TMEM255B: variants seen among roughly 807,000 people sequenced by gnomAD.
TMEM255B encodes transmembrane protein 255B.
A neutral mutation model predicts 34.5 loss-of-function variants in TMEM255B; 35 were observed. The ratio of observed to expected loss-of-function variants is 1.01; its 90% CI spans 0.77 to 1.34. The LOEUF is 1.34. TMEM255B is among the 40% of genes most tolerant of loss of function. The probability of loss-of-function intolerance (pLI) is 0.00; values close to 1 mark genes in which losing one functional copy is unlikely to be tolerated. For synonymous variants in TMEM255B, 206 were observed against 201.2 expected, an observed-to-expected ratio of 1.02 and a Z score of -0.20; for missense variants, 432 against 433.2, an observed-to-expected ratio of 1.00 and a Z score of 0.02.
intron 1 of TMEM255B, 42 bp from the exon 2 acceptor site, chr13:113,766,073 G>T (rs774633110): frequency 6.2e-7 from 1 of 1,610,890 alleles, no homozygotes; most frequent in Non-Finnish European, 8.5e-7. Flanking sequence ...GCCCTCCTGA[G>T]CCTGAGCCCT....
At chr13:113,793,796 G>A (rs1248800481) in intron 3 of TMEM255B, among the ~76,000 whole-genome samples, 2 of 152,338 alleles carry the variant, frequency 1.3e-5, no homozygotes, top group Admixed American at 6.5e-5. Flanking sequence ...AGCGTGGTGC[G>A]CCCTGGACCG....
intron 1 of TMEM255B, among the ~76,000 whole-genome samples, chr13:113,762,342 A>C (rs939913287): frequency 6.6e-6 from 1 of 152,180 alleles, no homozygotes; most frequent in Non-Finnish European, 1.5e-5. Flanking sequence ...ATCTGGAGTC[A>C]AAATATCACC....
At chr13:113,790,111 CGGGCACA>C in intron 3 of TMEM255B, among the ~76,000 whole-genome samples, 1 of 145,670 alleles carries the variant, frequency 6.9e-6, no homozygotes, top group Non-Finnish European at 1.5e-5. Flanking sequence ...CTGGACTGAC[CGGGCACA>C]TGGACATCCT....
At chr13:113,759,381 C>A (rs968375673) in intron 1 of TMEM255B, 66 bp downstream of exon 1, 5 of 1,214,556 alleles carry the variant, frequency 4.1e-6, no homozygotes, top group Non-Finnish European at 5.1e-6. Flanking sequence ...GGGGCTGGGA[C>A]TACAGGTCCC....
At chr13:113,765,400 A>G (rs1379339188) in intron 1 of TMEM255B, among the ~76,000 whole-genome samples, 2 of 152,224 alleles carry the variant, frequency 1.3e-5, no homozygotes. Flanking sequence ...CGGACCTTCT[A>G]GGGTGTGGAC....
chr13:113,787,300 C>G (rs1276179176), intron 3 of TMEM255B, among the ~76,000 whole-genome samples: 4 of 152,174 alleles, frequency 2.6e-5, no homozygotes, highest in African/African-American at 9.6e-5. Context: ...ATTTGAAAAA[C>G]ATGTATTCTA....
intron 4 of TMEM255B, among the ~76,000 whole-genome samples, chr13:113,798,469 GA>G (rs776114854): frequency 5.3e-5 from 8 of 150,412 alleles, no homozygotes; most frequent in Non-Finnish European, 1.2e-4. Flanking sequence ...ATAATGGATG[GA>G]TGATGGATGG....
chr13:113,788,517 C>T (rs537656511), intron 3 of TMEM255B, among the ~76,000 whole-genome samples: 2 of 152,114 alleles, frequency 1.3e-5, no homozygotes, highest in Admixed American at 6.5e-5. Flanking sequence ...TCTCTGCCCT[C>T]GGCTGGTGGC....
At chr13:113,808,260 G>T (rs1019449452) in intron 8 of TMEM255B, among the ~76,000 whole-genome samples, 1 of 152,156 alleles carries the variant, frequency 6.6e-6, no homozygotes, top group Non-Finnish European at 1.5e-5. Flanking sequence ...TAATAAAAAG[G>T]ACAATTTAAA....
In TMEM255B at chr13:113,807,746, G is replaced by C. The variant is rs1450299596; in HGVS notation, c.813+2718G>C. On this transcript the variant is annotated intron_variant, in intron 8 of 8. Coordinates refer to ENST00000375353, the MANE Select transcript of TMEM255B (RefSeq NM_182614.4). ...TCACACGTGGGCTTATGGGATGTGGGGGGTAGTCCTCCCCGTCACACGCAG... is the reference window on the plus strand; with the variant it reads ...TCACACGTGGGCTTATGGGATGTGGCGGGTAGTCCTCCCCGTCACACGCAG... Among the ~76,000 whole-genome samples the C allele has an allele frequency of 2.2e-5, 3 of 136,772 alleles. 1 individual carries two copies. Among genetic ancestry groups the C allele is most frequent in the Non-Finnish European group, 3.1e-5 (2 of 63,636 alleles). 89.7% of individuals were successfully genotyped at this position (136,772 alleles called of 152,430 possible). A position where few individuals can be genotyped will look rare whatever the true frequency, so the allele number is the denominator to read the frequency against.
At chr13:113,799,747 C>G in intron 5 of TMEM255B, 1 of 701,096 alleles carries the variant, frequency 1.4e-6, no homozygotes, top group South Asian at 1.5e-5. Flanking sequence ...AATACATTTA[C>G]AGTGTCCGAG....
chr13:113,785,047 G>A (rs550236595), intron 3 of TMEM255B, among the ~76,000 whole-genome samples: 8 of 152,348 alleles, frequency 5.3e-5, no homozygotes, highest in African/African-American at 1.9e-4. Context: ...GGAGCTTATT[G>A]CAGGAGCAGA....
chr13:113,782,675 AGGG>A (rs891223193), intron 3 of TMEM255B, among the ~76,000 whole-genome samples: 28 of 129,226 alleles, frequency 2.2e-4, no homozygotes, highest in African/African-American at 9.0e-4. Context: ...TGATGGTCGG[AGGG>A]GGGGGCTTCA....
chr13:113,805,255 C>T (rs1045267950), intron 8 of TMEM255B, among the ~76,000 whole-genome samples: 3 of 152,206 alleles, frequency 2.0e-5, no homozygotes, highest in African/African-American at 4.8e-5. Flanking sequence ...CATGCTCTGC[C>T]GGCAGCTGGC....
chr13:113,805,525 C>T (rs1425088207), intron 8 of TMEM255B, among the ~76,000 whole-genome samples: 1 of 152,216 alleles, frequency 6.6e-6, no homozygotes, highest in African/African-American at 2.4e-5. Context: ...GACAGTGGCC[C>T]CTGCCTGCCT....
In TMEM255B at chr13:113,795,237, T is replaced by G; in HGVS notation, c.342T>G (p.Ile114Met). The G allele has an allele frequency of 6.2e-7, 1 of 1,613,374 alleles. No individual in the cohort carries two copies. The highest frequency in any genetic ancestry group is 8.5e-7 in the Non-Finnish European group (1 of 1,179,770). The change falls in exon 4 of 9, where the codon ATT becomes ATG. Residue 114 changes from isoleucine (I) to methionine (M), a missense_variant and splice_region_variant. By Grantham distance (10) the Ile-to-Met change is conservative (BLOSUM62 1). Coordinates refer to ENST00000375353, the MANE Select transcript of TMEM255B (RefSeq NM_182614.4). The stretch of plus-strand genomic sequence containing the variant: ...ACGGCGTATTTGCAGCACAGCACAT[T>G]GTGAGTACATTGTCATTGTGTGCAC... Reference protein sequence around the residue: ...IVDGVFAAQHIEPRPLTTGRC... With the variant: ...IVDGVFAAQHMEPRPLTTGRC...
rs1566342570 is a variant in TMEM255B at position 113,813,023 on chromosome 13, G to GGTGGGTCACGGGTCCCGA, written c.*1129_*1130insGGGTCCCGAGTGGGTCAC. 1 of 116,744 alleles carries GGTGGGTCACGGGTCCCGA rather than the reference G, an allele frequency of 8.6e-6. No homozygotes were observed. Among genetic ancestry groups the GGTGGGTCACGGGTCCCGA allele is most frequent in the African/African-American group, 3.8e-5 (1 of 26,104 alleles). The allele number at this position is 116,744 out of a possible 1,614,324, so 7.2% of individuals were successfully genotyped here. On this transcript the variant is annotated 3_prime_UTR_variant, in exon 9 of 9. Transcript: ENST00000375353. ...GGTCCCGAGTGGGTCACGGGTCCCG[G>GGTGGGTCACGGGTCCCGA]GTGGGTCACAGGCGCCCCAGTGACA...
chr13:113,775,432 C>T (rs1367942376), intron 3 of TMEM255B, among the ~76,000 whole-genome samples: 4 of 152,244 alleles, frequency 2.6e-5, no homozygotes, highest in East Asian at 1.9e-4. Context: ...TGAGGGTCTC[C>T]GCCCCTTTGG....
At chr13:113,768,007 A>C (rs2050417059) in intron 2 of TMEM255B, 3 of 336,286 alleles carry the variant, frequency 8.9e-6, no homozygotes, top group South Asian at 7.4e-5. Flanking sequence ...CCACATGTGT[A>C]CGTGTCTATC....
Sources: allele counts gnomAD v4.1 joint callset (sites outside exome capture counted in the v4.1 genomes callset), GRCh38; gene constraint gnomAD v4.1.1; transcripts MANE v1.5; gene names NCBI Gene and HGNC (gene_info 2026-07-23, HGNC 2026-07-21).